NUP98: variants seen among roughly 807,000 people sequenced by gnomAD.
NUP98 encodes nuclear pore complex protein Nup98-Nup96.
In NUP98, 26 loss-of-function variants were observed where a neutral mutation model predicts 191.9. The ratio of observed to expected loss-of-function variants is 0.14; its 90% CI spans 0.10 to 0.19. The LOEUF is 0.19. Ranked by LOEUF, NUP98 falls within the 10% of genes least tolerant of loss-of-function variation. The pLI is 1.00. For synonymous variants in NUP98, 808 were observed against 778.4 expected (o/e 1.04, Z -0.63); for missense variants, 1,941 against 2,178.8 (o/e 0.89, Z 2.17).
At position 3,770,607 on chromosome 11, in the gene NUP98, A is replaced by C. The variant is rs536442853; in HGVS notation, c.784+1141T>G. Among the ~76,000 whole-genome samples, 3 of 152,204 alleles carry C rather than the reference A, an allele frequency of 2.0e-5. No homozygotes were observed. The East Asian group carries it at 5.8e-4, about 29-fold the overall frequency. ...TCTCTTTAGAAGGCTATGAAAAGCT[A>C]TAATTTTTGCTTTTCTCTACAGAGG... On this transcript the variant is annotated intron_variant, in intron 7 of 32. Transcript: ENST00000324932.
chr11:3,691,433 A>G lies in NUP98; in HGVS notation c.4368T>C (p.Gly1456=), dbSNP rs1474111094. 3 of 1,613,992 alleles carry G rather than the reference A, an allele frequency of 1.9e-6. No homozygotes were observed. The highest frequency in any genetic ancestry group is 3.3e-5 in the Admixed American group (2 of 59,980). ...ACSPLPSYLE[G]SGCVIAEEQN... is the part of the protein sequence containing the mutation. ...GCTCCTCCGCTATCACACAGCCAGA[A>G]CCCTCCAGATACGAAGGAAGTGGGG... Residue 1456 remains glycine, a synonymous_variant, in exon 28 of 33, where the codon GGT becomes GGC. Transcript: ENST00000324932.
chr11:3,782,752 C>T (rs1020757478), intron 1 of NUP98, among the ~76,000 whole-genome samples: 2 of 151,850 alleles, frequency 1.3e-5, no homozygotes, highest in African/African-American at 4.8e-5. Context: ...CCATGTTGGC[C>T]AGGCTGGTCT....
Position 3,693,316 on chromosome 11 carries a change from G to C in NUP98, c.4227C>G (p.Arg1409=). The stretch of plus-strand genomic sequence containing the variant: ...AATACCAAAGATGGATAGCCAGGGA[G>C]CGTTTCCAATCCAACTGGGAGCACA... ...INVCSQLDWK[R]SLAIHLWYLL... The change falls in exon 27 of 33, where the codon CGC becomes CGG. Residue 1409 remains arginine (R), a synonymous_variant. Coordinates refer to ENST00000324932, the MANE Select transcript of NUP98 (RefSeq NM_016320.5). The C allele has an allele frequency of 6.2e-7, 1 of 1,614,182 alleles. No homozygotes were observed. Among genetic ancestry groups the C allele is most frequent in the African/African-American group, 1.3e-5 (1 of 75,050 alleles).
chr11:3,687,732 T>A (rs1036808068), intron 28 of NUP98, among the ~76,000 whole-genome samples: 4 of 152,246 alleles, frequency 2.6e-5, no homozygotes, highest in African/African-American at 9.6e-5. Flanking sequence ...AAATGGTTAA[T>A]AAGGAAATGT....
At position 3,773,665 on chromosome 11, in the gene NUP98, A is replaced by G. The variant is rs1274021971; in HGVS notation, c.570T>C (p.Thr190=). Residue 190 remains threonine, a synonymous_variant, in exon 6 of 33, where the codon ACT becomes ACC. Transcript: ENST00000324932. ...ACTTGCTTTCATATTCTTTCATAGC[A>G]GTAATACACTGGTGCTTGGTACTTA... The part of the protein sequence containing the change: ...TNISTKHQCI[T]AMKEYESKSL... The G allele has an allele frequency of 6.2e-7, 1 of 1,611,798 alleles. No individual in the cohort carries two copies. The highest frequency in any genetic ancestry group is 1.7e-5 in the Admixed American group (1 of 59,934).
intron 28 of NUP98, among the ~76,000 whole-genome samples, chr11:3,689,175 A>G (rs1475637608): frequency 1.3e-5 from 2 of 152,064 alleles, no homozygotes; most frequent in Non-Finnish European, 2.9e-5. Context: ...TGAGACTGCA[A>G]TGAGCCATGA....
At chr11:3,780,185 C>A (rs924856138) in intron 2 of NUP98, among the ~76,000 whole-genome samples, 18 of 151,832 alleles carry the variant, frequency 1.2e-4, no homozygotes, top group Non-Finnish European at 4.4e-5. Context: ...AAACCACAGA[C>A]ATGGACGTAG....
rs746300394 is a variant in NUP98 at position 3,676,478 on chromosome 11, G to C, written c.5185+31C>G. ...TAATCATAAAAACAGGAAGCAAGAA[G>C]GCAGAAAGAGTGAGGAGGTTAGAGG... On this transcript the variant is annotated intron_variant, in intron 32 of 32. Transcript: ENST00000324932. 5 of 1,605,306 alleles carry C rather than the reference G, an allele frequency of 3.1e-6. No individual in the cohort carries two copies. In the Admixed American group the frequency reaches 5.0e-5, roughly 16 times the overall value.
Position 3,675,540 on chromosome 11 carries a change from G to A in NUP98, c.*619C>T, listed in dbSNP as rs2077781367. On this transcript the variant is annotated 3_prime_UTR_variant, in exon 33 of 33. Coordinates refer to ENST00000324932, the MANE Select transcript of NUP98 (RefSeq NM_016320.5). Reference sequence around the variant, plus strand: ...GGTATGGTGTTCATGGAACTCTAAAGGCAGGAACAAAAACAGCCCTGAAGA... The same window carrying A: ...GGTATGGTGTTCATGGAACTCTAAAAGCAGGAACAAAAACAGCCCTGAAGA... 4.3e-6 allele frequency: 1 copy of A among 233,898 alleles called. No homozygotes were observed. The highest frequency in any genetic ancestry group is 1.7e-4 in the South Asian group (1 of 6,004). The allele number at this position is 233,898 out of a possible 1,614,324, so 14.5% of individuals were successfully genotyped here.
Position 3,784,864 on chromosome 11 carries a change from C to T in NUP98, c.-28-2719G>A, listed in dbSNP as rs1035397418. 5.3e-5 allele frequency among the ~76,000 whole-genome samples: 8 copies of T among 152,280 alleles called. No homozygotes were observed. The East Asian group carries it at 5.8e-4, about 11-fold the overall frequency. On this transcript the variant is annotated intron_variant, in intron 1 of 32. Transcript: ENST00000324932. ...TCTAAAGCACACCCTTGGCCGGGCG[C>T]GGTGGCTCACACCTGTAATTCCAAC...
chr11:3,774,265 A>G (rs1313838344), intron 5 of NUP98, among the ~76,000 whole-genome samples: 2 of 151,780 alleles, frequency 1.3e-5, no homozygotes, highest in Non-Finnish European at 2.9e-5. Flanking sequence ...AATAAAAATG[A>G]GCCAGGCGTG....
chr11:3,779,066 G>A lies in NUP98; in HGVS notation c.179-17C>T. The A allele has an allele frequency of 6.2e-7, 1 of 1,613,850 alleles. No homozygotes were observed. Among genetic ancestry groups the A allele is most frequent in the Non-Finnish European group, 8.5e-7 (1 of 1,179,908 alleles). ...ACAATCCTCCTGAGGAGATGGAGAA[G>A]GAGGGAAAAAGTTAAGTACATCAGA... is the stretch of plus-strand genomic sequence containing the variant. On this transcript the variant is annotated splice_polypyrimidine_tract_variant and intron_variant, in intron 3 of 32. Transcript: ENST00000324932.
At position 3,706,189 on chromosome 11, in the gene NUP98, A is replaced by G. The variant is rs371403227; in HGVS notation, c.2925+256T>C. ...TCTGCCTCAAAAACAAAACACAACAAAATTGGGATTGGAACTAGGACTCTG... is the reference window on the plus strand; with the variant it reads ...TCTGCCTCAAAAACAAAACACAACAGAATTGGGATTGGAACTAGGACTCTG... On this transcript the variant is annotated intron_variant, in intron 21 of 32. Coordinates refer to ENST00000324932, the MANE Select transcript of NUP98 (RefSeq NM_016320.5). 9.9e-5 allele frequency among the ~76,000 whole-genome samples: 15 copies of G among 152,132 alleles called. No individual in the cohort carries two copies. The South Asian group carries it at 3.1e-3, about 32-fold the overall frequency.
At chr11:3,773,479 C>A (rs2081600956) in intron 6 of NUP98, among the ~76,000 whole-genome samples, 153 bp downstream of exon 6, 1 of 151,946 alleles carries the variant, frequency 6.6e-6, no homozygotes, top group Non-Finnish European at 1.5e-5. Context: ...ATAAATAATA[C>A]TTGATTTTTA....
rs762945842 is a variant in NUP98 at position 3,700,815 on chromosome 11, A to T, written c.3537T>A (p.Val1179=). 2 of 1,613,746 alleles carry T rather than the reference A, an allele frequency of 1.2e-6. No homozygotes were observed. The highest frequency in any genetic ancestry group is 1.7e-6 in the Non-Finnish European group (2 of 1,179,744). Residue 1179 remains valine, a synonymous_variant, in exon 24 of 33, where the codon GTT becomes GTA. Coordinates refer to ENST00000324932, the MANE Select transcript of NUP98 (RefSeq NM_016320.5). The part of the protein sequence containing the change: ...VKPLTESPFK[V]HLEKLSLRQR... ...GTCTCAAACTGAGTTTTTCTAAGTGAACTTTGAATGGGGACTCAGTTAGGC... is the reference window on the plus strand; with the variant it reads ...GTCTCAAACTGAGTTTTTCTAAGTGTACTTTGAATGGGGACTCAGTTAGGC...
chr11:3,746,355 C>T (rs2080501791), intron 11 of NUP98, among the ~76,000 whole-genome samples: 1 of 148,010 alleles, frequency 6.8e-6, no homozygotes, highest in African/African-American at 2.5e-5. Flanking sequence ...GTAATTAACG[C>T]AAGCTCCAAG....
At chr11:3,691,164 A>G (rs908997543) in intron 28 of NUP98, among the ~76,000 whole-genome samples, 183 bp downstream of exon 28, 2 of 152,222 alleles carry the variant, frequency 1.3e-5, no homozygotes, top group African/African-American at 2.4e-5. Flanking sequence ...GTTGATTAAA[A>G]TAATTTTTAG....
chr11:3,750,819 T>A (rs1264870729), intron 11 of NUP98, among the ~76,000 whole-genome samples: 4 of 151,700 alleles, frequency 2.6e-5, no homozygotes, highest in African/African-American at 9.7e-5. Context: ...ATTTTATTTT[T>A]TTGATAGCAT....
At position 3,702,713 on chromosome 11, in the gene NUP98, G is replaced by A. The variant is rs748481326; in HGVS notation, c.3262C>T (p.Pro1088Ser). Residue 1088 changes from proline (P) to serine (S), a missense_variant, in exon 23 of 33, where the codon CCG becomes TCG. Physicochemically the swap from Pro to Ser is moderately conservative, Grantham distance 74 (BLOSUM62 -1). Transcript: ENST00000324932. ...CTACGTGTACCCACTGTTTTCAACG[G>A]AACCTCAGGGGCTGGGCTGGGCATT... The part of the protein sequence containing the change: ...FTMPSPAPEV[P>S]LKTVGTRRQL... 6.2e-7 allele frequency: 1 copy of A among 1,614,198 alleles called. No individual in the cohort carries two copies. Among genetic ancestry groups the A allele is most frequent in the South Asian group, 1.1e-5 (1 of 91,082 alleles).
Sources: allele counts gnomAD v4.1 joint callset (sites outside exome capture counted in the v4.1 genomes callset), GRCh38; gene constraint gnomAD v4.1.1; transcripts MANE v1.5; gene names NCBI Gene and HGNC (gene_info 2026-07-23, HGNC 2026-07-21).